The following NRDC variants were observed in gnomAD, a reference collection of about 807,000 sequenced individuals.
The protein encoded by NRDC is nardilysin.
Under a neutral mutation model 147.1 loss-of-function variants are expected in NRDC, and 54 were observed. That is an observed-to-expected ratio of 0.37 (90% CI 0.29 to 0.46). The LOEUF (loss-of-function observed/expected upper bound fraction) is 0.46, where lower values mean the gene tolerates loss of function less well. Among genes scored for constraint, NRDC ranks in the 20% least tolerant of loss-of-function variants. The pLI is 1.00. For missense variants in NRDC, 1,082 were observed against 1,370.6 expected, an observed-to-expected ratio of 0.79 and a Z score of 3.33; for synonymous variants, 440 against 482.1, an observed-to-expected ratio of 0.91 and a Z score of 1.14.
chr1:51,856,391 A>G (rs1682243288), intron 1 of NRDC, among the ~76,000 whole-genome samples: 1 of 151,784 alleles, frequency 6.6e-6, no homozygotes, highest in Non-Finnish European at 1.5e-5. Flanking sequence ...TGCCCTGCCA[A>G]CAAACAAACA....
At chr1:51,851,936 TTGTGTG>T (rs1681970819) in intron 1 of NRDC, among the ~76,000 whole-genome samples, 1 of 152,146 alleles carries the variant, frequency 6.6e-6, no homozygotes, top group Non-Finnish European at 1.5e-5. Context: ...GGTTTAATAT[TTGTGTG>T]ACTTTTGCCA....
At chr1:51,790,827 C>A in intron 28 of NRDC, 73 bp downstream of exon 28, 1 of 1,301,484 alleles carries the variant, frequency 7.7e-7, no homozygotes. Flanking sequence ...AACTGGCCGG[C>A]GAAGCCCTGT....
chr1:51,803,804 T>G lies in NRDC; in HGVS notation c.2313+10A>C, dbSNP rs760155868. 11 of 1,608,476 alleles carry G rather than the reference T, an allele frequency of 6.8e-6. No homozygotes were observed. The highest frequency in any genetic ancestry group is 5.1e-6 in the Non-Finnish European group (6 of 1,176,734). Reference sequence around the variant, plus strand: ...GCTCTCTATAAGGAAAACAGAGTACTTGTACTTACAGGTAGTTTGTGGTTA... The same window carrying G: ...GCTCTCTATAAGGAAAACAGAGTACGTGTACTTACAGGTAGTTTGTGGTTA... On this transcript the variant is annotated intron_variant, in intron 20 of 30. Coordinates refer to ENST00000352171, the MANE Select transcript of NRDC (RefSeq NM_001101662.2).
At chr1:51,806,042 G>A (rs1679445355) in intron 18 of NRDC, among the ~76,000 whole-genome samples, 1 of 152,126 alleles carries the variant, frequency 6.6e-6, no homozygotes, top group African/African-American at 2.4e-5. Context: ...TTTGAGGTTG[G>A]GGATATGGGT....
At chr1:51,846,224 T>A (rs1240788144) in intron 1 of NRDC, among the ~76,000 whole-genome samples, 1 of 152,132 alleles carries the variant, frequency 6.6e-6, no homozygotes, top group Non-Finnish European at 1.5e-5. Context: ...GTGATTCTCC[T>A]GCCTTAAGCT....
At chr1:51,860,020 A>G in intron 1 of NRDC, 1 of 204,372 alleles carries the variant, frequency 4.9e-6, no homozygotes, top group Non-Finnish European at 1.1e-5. Flanking sequence ...TGAAAATTGT[A>G]AGGTGATCCA....
chr1:51,800,726 C>T (rs1350788346), intron 20 of NRDC, 43 bp from the exon 21 acceptor site: 1 of 1,601,782 alleles, frequency 6.2e-7, no homozygotes. Context: ...CATGGAAATC[C>T]ACTAGGTATT....
At chr1:51,876,287 C>T (rs1683322644) in intron 1 of NRDC, among the ~76,000 whole-genome samples, 1 of 152,180 alleles carries the variant, frequency 6.6e-6, no homozygotes, top group Middle Eastern at 3.4e-3. Context: ...ATCCTTTATC[C>T]GAAACACTCG....
At chr1:51,800,038 G>C (rs1679119814) in intron 21 of NRDC, among the ~76,000 whole-genome samples, 1 of 152,200 alleles carries the variant, frequency 6.6e-6, no homozygotes, top group Non-Finnish European at 1.5e-5. Flanking sequence ...GCGGTGGCAT[G>C]ATCATGGTTC....
chr1:51,807,015 A>G, intron 17 of NRDC, 102 bp from the exon 18 acceptor site: 1 of 1,386,426 alleles, frequency 7.2e-7, no homozygotes, highest in Non-Finnish European at 9.7e-7. Flanking sequence ...TCTGTGGCAA[A>G]AATAAGCCAA....
intron 27 of NRDC, 48 bp from the exon 28 acceptor site, chr1:51,791,038 T>C (rs779717531): frequency 7.4e-7 from 1 of 1,345,478 alleles, no homozygotes; most frequent in East Asian, 2.3e-5. Context: ...CATCTTCAAT[T>C]AAGTCATCAG....
At chr1:51,874,480 G>A (rs1391988445) in intron 1 of NRDC, among the ~76,000 whole-genome samples, 26 of 152,042 alleles carry the variant, frequency 1.7e-4, no homozygotes, top group Admixed American at 1.3e-4. Flanking sequence ...ATGATGGCAC[G>A]TGCCTGTAGT....
chr1:51,846,246 G>A (rs552438106), intron 1 of NRDC, among the ~76,000 whole-genome samples: 5 of 151,960 alleles, frequency 3.3e-5, no homozygotes, highest in African/African-American at 4.8e-5. Context: ...CCGGGTAGCT[G>A]GGACCACAGG....
At chr1:51,850,416 T>C (rs1264605902) in intron 1 of NRDC, among the ~76,000 whole-genome samples, 1 of 141,296 alleles carries the variant, frequency 7.1e-6, no homozygotes, top group Non-Finnish European at 1.6e-5. Flanking sequence ...ACCTTCAACA[T>C]ATATAAATTC....
intron 1 of NRDC, among the ~76,000 whole-genome samples, chr1:51,848,476 G>A (rs553317692): frequency 8.6e-5 from 13 of 152,018 alleles, no homozygotes; most frequent in East Asian, 1.9e-4. Context: ...GCGAGACTCC[G>A]TCTCAAAAAA....
At chr1:51,814,189 G>A (rs1361565719) in intron 13 of NRDC, 100 bp from the exon 14 acceptor site, 18 of 738,698 alleles carry the variant, frequency 2.4e-5, no homozygotes, top group Admixed American at 9.1e-5. Context: ...GGTAACTATT[G>A]GGTAGTAGGC....
intron 1 of NRDC, among the ~76,000 whole-genome samples, chr1:51,846,706 A>G (rs1254042505): frequency 6.6e-6 from 1 of 152,248 alleles, no homozygotes; most frequent in African/African-American, 2.4e-5. Context: ...AACAAGATTT[A>G]TCGCCAACAG....
chr1:51,810,471 GC>G, intron 15 of NRDC, 67 bp from the exon 16 acceptor site: 1 of 1,420,600 alleles, frequency 7.0e-7, no homozygotes, highest in Non-Finnish European at 9.6e-7. Context: ...TGTTAAAAAG[GC>G]AAAAATCACA....
chr1:51,843,634 TC>T (rs1286723058), intron 1 of NRDC, among the ~76,000 whole-genome samples: 1 of 152,250 alleles, frequency 6.6e-6, no homozygotes, highest in Non-Finnish European at 1.5e-5. Context: ...TATTTGTTTT[TC>T]TTTTGTTACA....
Sources: gnomAD v4.1 joint callset for allele counts (sites outside exome capture counted in the v4.1 genomes callset) on GRCh38, gnomAD v4.1.1 for gene constraint, MANE v1.5 for transcripts, NCBI Gene and HGNC (gene_info 2026-07-23, HGNC 2026-07-21) for gene names.